ZBTB40: variants seen among roughly 807,000 people sequenced by gnomAD.
ZBTB40 encodes zinc finger and BTB domain-containing protein 40.
A neutral mutation model predicts 117.5 loss-of-function variants in ZBTB40; 60 were observed. That is an observed-to-expected ratio of 0.51 (90% CI 0.41 to 0.63). The LOEUF is 0.63. ZBTB40 is among the 30% of genes least tolerant of loss of function. ZBTB40 has a pLI of 0.00. For missense variants in ZBTB40, 1,287 were observed against 1,498.5 expected (o/e 0.86, Z 2.33); for synonymous variants, 525 against 577.1 (o/e 0.91, Z 1.29).
intron 1 of ZBTB40, among the ~76,000 whole-genome samples, chr1:22,454,828 T>A (rs1390957912): frequency 6.6e-6 from 1 of 152,272 alleles, no homozygotes; most frequent in Non-Finnish European, 1.5e-5. Context: ...TTCATAGCTA[T>A]GGTATTTTCT....
In ZBTB40 at chr1:22,502,448, G is replaced by A. The variant is rs373392522; in HGVS notation, c.1167+7G>A. ...GACTGGCACTGAAAAAAGGGTAACTGTGTCAAGTGTCTCCTCCCTCCTCCT... is the reference window on the plus strand; with the variant it reads ...GACTGGCACTGAAAAAAGGGTAACTATGTCAAGTGTCTCCTCCCTCCTCCT... On this transcript the variant is annotated splice_region_variant and intron_variant, in intron 5 of 17. Coordinates refer to ENST00000375647, the MANE Select transcript of ZBTB40 (RefSeq NM_014870.4). 3 of 1,613,828 alleles carry A rather than the reference G, an allele frequency of 1.9e-6. No homozygotes were observed. Among genetic ancestry groups the A allele is most frequent in the African/African-American group, 2.7e-5 (2 of 74,896 alleles).
intron 1 of ZBTB40, among the ~76,000 whole-genome samples, chr1:22,471,703 A>G (rs544114718): frequency 2.0e-5 from 3 of 152,280 alleles, no homozygotes; most frequent in African/African-American, 7.2e-5. Context: ...TGTTTTAATC[A>G]CCTCCTATTC....
At chr1:22,499,073 A>C (rs191821700) in intron 3 of ZBTB40, among the ~76,000 whole-genome samples, 10 of 152,366 alleles carry the variant, frequency 6.6e-5, no homozygotes, top group Admixed American at 5.2e-4. Flanking sequence ...TACAGGCTGC[A>C]GTCAAGGTGT....
chr1:22,502,456 T>C lies in ZBTB40; in HGVS notation c.1167+15T>C, dbSNP rs1300881411. The C allele has an allele frequency of 6.2e-7, 1 of 1,613,986 alleles. No homozygotes were observed. Among genetic ancestry groups the C allele is most frequent in the Non-Finnish European group, 8.5e-7 (1 of 1,179,896 alleles). ...CTGAAAAAAGGGTAACTGTGTCAAG[T>C]GTCTCCTCCCTCCTCCTGAATTCAT... On this transcript the variant is annotated intron_variant, in intron 5 of 17. Transcript: ENST00000375647.
intron 9 of ZBTB40, among the ~76,000 whole-genome samples, chr1:22,510,521 G>A (rs1029408485): frequency 2.5e-4 from 38 of 152,276 alleles, no homozygotes; most frequent in East Asian, 7.7e-4. Flanking sequence ...TGAAAATTCC[G>A]TTTGGCCATC....
chr1:22,526,227 C>A lies in ZBTB40; in HGVS notation c.3551C>A (p.Ala1184Asp), dbSNP rs535474213. ...GTGATCCAAACCCCAGAGCCGGTGG[C>A]CCCGACAGAGCAGGTGATCACTTTG... ...AQVIQTPEPVAPTEQVITLEE... is the reference protein window; with the variant it reads ...AQVIQTPEPVDPTEQVITLEE... The change falls in exon 18 of 18, where the codon GCC (alanine) becomes GAC (aspartate). Residue 1184 changes from alanine (A) to aspartate (D), a missense_variant. Physicochemically the swap from Ala to Asp is moderately radical, Grantham distance 126. Around this residue, in one of 2 missense-constraint regions of ZBTB40, gnomAD observed 417 missense variants for 564.1 expected, o/e 0.74. Coordinates refer to ENST00000375647, the MANE Select transcript of ZBTB40 (RefSeq NM_014870.4). 2.5e-6 allele frequency: 4 copies of A among 1,614,162 alleles called. No homozygotes were observed. In the East Asian group the frequency reaches 8.9e-5, roughly 36 times the overall value.
Position 22,527,128 on chromosome 1 carries a change from C to T in ZBTB40, c.*732C>T, listed in dbSNP as rs1297114454. 1 of 153,260 alleles carries T rather than the reference C, an allele frequency of 6.5e-6. No individual in the cohort carries two copies. Among genetic ancestry groups the T allele is most frequent in the East Asian group, 1.9e-4 (1 of 5,334 alleles). 9.5% of individuals were successfully genotyped at this position (153,260 alleles called of 1,614,324 possible). On this transcript the variant is annotated 3_prime_UTR_variant, in exon 18 of 18. Transcript: ENST00000375647. ...AGCTGCTAGACAGTGTCTGCCTTTC[C>T]AGGACATTCTTCTTGGTATTCCTTA...
Position 22,445,118 on chromosome 1 carries a change from C to T in ZBTB40, c.-70+16104C>T, listed in dbSNP as rs114437503. On this transcript the variant is annotated intron_variant, in intron 1 of 8. Coordinates refer to the ZBTB40 transcript ENST00000650433. The stretch of plus-strand genomic sequence containing the variant: ...ATTTCCTATGGCTAAAATACTTGCC[C>T]AACATTCCTGGTTGGGGAGATCATC... Among the ~76,000 whole-genome samples the T allele has an allele frequency of 8.9e-3, 1,353 of 152,230 alleles. 10 individuals carry two copies. Among genetic ancestry groups the T allele is most frequent in the African/African-American group, 0.031 (1,283 of 41,536 alleles).
chr1:22,484,124 C>T (rs1243468422), intron 1 of ZBTB40, among the ~76,000 whole-genome samples: 1 of 152,180 alleles, frequency 6.6e-6, no homozygotes, highest in Admixed American at 6.5e-5. Flanking sequence ...TATTCTTTCA[C>T]CAATACCACA....
At chr1:22,437,581 G>A (rs1433519767) in intron 1 of ZBTB40, among the ~76,000 whole-genome samples, 3 of 151,592 alleles carry the variant, frequency 2.0e-5, no homozygotes, top group East Asian at 3.9e-4. Context: ...CACTACACCC[G>A]GCTAATTTTT....
intron 1 of ZBTB40, among the ~76,000 whole-genome samples, chr1:22,473,019 G>GTT (rs1641448398): frequency 6.6e-6 from 1 of 152,166 alleles, no homozygotes; most frequent in African/African-American, 2.4e-5. Flanking sequence ...TGGAGCCAAG[G>GTT]GCAGGTGCAA....
intron 1 of ZBTB40, among the ~76,000 whole-genome samples, chr1:22,454,542 G>A (rs1240700618): frequency 6.6e-6 from 1 of 152,236 alleles, no homozygotes; most frequent in African/African-American, 2.4e-5. Context: ...CAAGGAACCA[G>A]TCTAGCAAGA....
At chr1:22,503,048 A>G (rs1184360564) in intron 5 of ZBTB40, among the ~76,000 whole-genome samples, 1 of 151,510 alleles carries the variant, frequency 6.6e-6, no homozygotes, top group Non-Finnish European at 1.5e-5. Context: ...TTTTTACCTA[A>G]TATCTTAATA....
chr1:22,521,562 C>T lies in ZBTB40; in HGVS notation c.3115C>T (p.Arg1039Ter), dbSNP rs1290016695. The T allele has an allele frequency of 3.7e-6, 6 of 1,614,084 alleles. No individual in the cohort carries two copies. The African/African-American group carries it at 4.0e-5, about 11-fold the overall frequency. The change falls in exon 15 of 18, where the codon CGA becomes TGA. Residue 1039 changes from arginine to a stop codon, truncating the protein, a stop_gained. Transcript: ENST00000375647. LOFTEE classifies it high-confidence loss of function. ...HPDVFAAQNH[R>*]SSKFSSLQCS... ...TGACGTATTTGCTGCTCAGAACCAC[C>T]GATCTTCCAAGTTCTCATCACTCCA...
intron 1 of ZBTB40, among the ~76,000 whole-genome samples, chr1:22,489,489 T>G (rs1638562644): frequency 6.6e-6 from 1 of 152,078 alleles, no homozygotes; most frequent in African/African-American, 2.4e-5. Context: ...TCTAGGTGGC[T>G]GAGAGCTTTT....
intron 1 of ZBTB40, among the ~76,000 whole-genome samples, chr1:22,460,296 C>T (rs1446488014): frequency 6.6e-6 from 1 of 152,290 alleles, no homozygotes; most frequent in Non-Finnish European, 1.5e-5. Context: ...TCTAAGTCTG[C>T]AGCCATTGAT....
chr1:22,490,480 G>A lies in ZBTB40; in HGVS notation c.532G>A (p.Ala178Thr), dbSNP rs1012772088. 1.9e-6 allele frequency: 3 copies of A among 1,599,264 alleles called. No individual in the cohort carries two copies. In the African/African-American group the frequency reaches 4.0e-5, roughly 22 times the overall value. Residue 178 changes from alanine to threonine, a missense_variant, in exon 2 of 18, where the codon GCA (alanine) becomes ACA (threonine). This residue lies in a region of ZBTB40 where 870 missense variants were observed against 934.4 expected (regional missense o/e 0.93). Coordinates refer to ENST00000375647, the MANE Select transcript of ZBTB40 (RefSeq NM_014870.4). Reference sequence around the variant, plus strand: ...CCCTGTGAAAGCTGAGACTGAGGAAGCAGCCCATTCAGTTTCACAAGAGAT... The same window carrying A: ...CCCTGTGAAAGCTGAGACTGAGGAAACAGCCCATTCAGTTTCACAAGAGAT... Reference protein sequence around the residue: ...GGPVKAETEEAAHSVSQEMSV... With the variant: ...GGPVKAETEETAHSVSQEMSV...
At chr1:22,434,699 ATAAAC>A (rs1640648090) in intron 1 of ZBTB40, among the ~76,000 whole-genome samples, 4 of 152,220 alleles carry the variant, frequency 2.6e-5, no homozygotes, top group Admixed American at 6.5e-5. Context: ...CATCTTTAGC[ATAAAC>A]TAAATTTCTG....
chr1:22,431,245 C>CATATACAATATTGTATAGATTGAAT (rs1640576839), intron 1 of ZBTB40, among the ~76,000 whole-genome samples: 1 of 90,780 alleles, frequency 1.1e-5, no homozygotes, highest in Non-Finnish European at 1.9e-5. Context: ...ATATAGTATG[C>CATATACAATATTGTATAGATTGAAT]ATATACAATA....
Sources: gnomAD v4.1 joint callset for allele counts (sites outside exome capture counted in the v4.1 genomes callset) on GRCh38, gnomAD v4.1.1 for gene constraint, gnomAD v4.1.1 regional missense constraint, MANE v1.5 for transcripts, NCBI Gene and HGNC (gene_info 2026-07-23, HGNC 2026-07-21) for gene names.